ST6GAL1: variants seen among roughly 807,000 people sequenced by gnomAD.
The protein encoded by ST6GAL1 is beta-galactoside alpha-2,6-sialyltransferase 1.
In ST6GAL1, 20 loss-of-function variants were observed where a neutral mutation model predicts 38.0. The ratio of observed to expected loss-of-function variants is 0.53; its 90% confidence interval spans 0.37 to 0.77. The LOEUF (loss-of-function observed/expected upper bound fraction) is 0.77, where lower values mean the gene tolerates loss of function less well. ST6GAL1 is among the 30% of genes least tolerant of loss of function. The probability of loss-of-function intolerance (pLI) is 0.00; values close to 1 mark genes in which losing one functional copy is unlikely to be tolerated. For missense variants in ST6GAL1, 432 were observed against 496.4 expected (o/e 0.87, Z 1.23); for synonymous variants, 196 against 188.2 (o/e 1.04, Z -0.34).
In ST6GAL1 at chr3:186,952,597, C is replaced by T. The variant is rs556625650; in HGVS notation, c.-324-11188C>T. On this transcript the variant is annotated intron_variant, in intron 1 of 7. Coordinates refer to ENST00000169298, the MANE Select transcript of ST6GAL1 (RefSeq NM_173216.2). This position sits in a 1 kb window ranked among gnomAD's most constrained non-coding sequence, Gnocchi z 4.1. ...TCAGCTCACTGCAACCTCCGCCTCCCGGGTTCAAGCGCTTCTCTGTTGGCT... is the reference window on the plus strand; with the variant it reads ...TCAGCTCACTGCAACCTCCGCCTCCTGGGTTCAAGCGCTTCTCTGTTGGCT... 2.6e-5 allele frequency among the ~76,000 whole-genome samples: 4 copies of T among 152,220 alleles called. No homozygotes were observed.
At chr3:186,944,728 C>T (rs78560253) in intron 1 of ST6GAL1, among the ~76,000 whole-genome samples, 1 of 152,170 alleles carries the variant, frequency 6.6e-6, no homozygotes, top group African/African-American at 2.4e-5. Flanking sequence ...AAAAAGATAA[C>T]GCACTTAAAT....
At chr3:187,003,278 A>G (rs568752871) in intron 2 of ST6GAL1, among the ~76,000 whole-genome samples, 1 of 152,364 alleles carries the variant, frequency 6.6e-6, no homozygotes, top group Admixed American at 6.5e-5. Flanking sequence ...GTTTTACTGT[A>G]TTCAGGCCTT....
chr3:186,955,959 T>C (rs1412035189), intron 1 of ST6GAL1, among the ~76,000 whole-genome samples: 1 of 152,110 alleles, frequency 6.6e-6, no homozygotes, highest in Non-Finnish European at 1.5e-5. Context: ...GTTTTGCTGG[T>C]GTATAGGAAT....
At chr3:186,951,860 G>C (rs531727973) in intron 1 of ST6GAL1, among the ~76,000 whole-genome samples, 36 of 152,264 alleles carry the variant, frequency 2.4e-4, no homozygotes, top group Non-Finnish European at 4.3e-4. Flanking sequence ...CAAGTTGAAG[G>C]CACCAGCAGA....
chr3:186,977,103 T>A (rs1715544547), intron 2 of ST6GAL1, among the ~76,000 whole-genome samples: 1 of 152,256 alleles, frequency 6.6e-6, no homozygotes. Flanking sequence ...ATGAAATTCA[T>A]GACCCGATTT....
At chr3:186,989,329 A>G (rs1716070577) in intron 2 of ST6GAL1, among the ~76,000 whole-genome samples, 1 of 152,234 alleles carries the variant, frequency 6.6e-6, no homozygotes, top group South Asian at 2.1e-4. Flanking sequence ...ATGGATACTT[A>G]GGGGAATGGG....
At chr3:186,957,315 C>T (rs528189444) in intron 1 of ST6GAL1, among the ~76,000 whole-genome samples, 124 of 152,208 alleles carry the variant, frequency 8.1e-4, no homozygotes, top group Non-Finnish European at 1.5e-3. Context: ...TGGTGGTGCA[C>T]GCCTATAGTT....
At chr3:187,008,486 G>T (rs1292389332) in intron 2 of ST6GAL1, among the ~76,000 whole-genome samples, 2 of 150,424 alleles carry the variant, frequency 1.3e-5, no homozygotes, top group Non-Finnish European at 3.0e-5. Flanking sequence ...AATGCTGGAA[G>T]AACAAAAAAA....
chr3:187,046,546 G>GGGATAAGCC (rs11280596), intron 4 of ST6GAL1, among the ~76,000 whole-genome samples: 1 of 151,522 alleles, frequency 6.6e-6, no homozygotes, highest in African/African-American at 2.4e-5. Flanking sequence ...GAAAAGAACA[G>GGGATAAGCC]GGAAAAGTCA....
At chr3:186,993,405 T>C (rs1412443668) in intron 2 of ST6GAL1, among the ~76,000 whole-genome samples, 1 of 152,182 alleles carries the variant, frequency 6.6e-6, no homozygotes, top group Non-Finnish European at 1.5e-5. Context: ...TCTTGTCCTG[T>C]TCTCTCAAGC....
At chr3:187,025,062 A>T (rs1479776993) in intron 2 of ST6GAL1, among the ~76,000 whole-genome samples, 1 of 150,552 alleles carries the variant, frequency 6.6e-6, no homozygotes, top group East Asian at 2.0e-4. Flanking sequence ...CTGAGGGTCT[A>T]CGTTCTCAAT....
intron 1 of ST6GAL1, among the ~76,000 whole-genome samples, chr3:186,958,686 T>G (rs1423640986): frequency 6.6e-6 from 1 of 152,206 alleles, no homozygotes; most frequent in African/African-American, 2.4e-5. Flanking sequence ...GTGCTGTGGC[T>G]CATGCCTGTA....
At chr3:187,030,017 A>G (rs911275580) in intron 2 of ST6GAL1, among the ~76,000 whole-genome samples, 5 of 152,216 alleles carry the variant, frequency 3.3e-5, no homozygotes, top group Non-Finnish European at 7.3e-5. Flanking sequence ...TAACAAGATC[A>G]GAGATACAAC....
At chr3:186,976,552 C>T (rs192030055) in intron 2 of ST6GAL1, among the ~76,000 whole-genome samples, 2 of 152,156 alleles carry the variant, frequency 1.3e-5, no homozygotes, top group Non-Finnish European at 2.9e-5. Context: ...GCTTCAGCCT[C>T]CCAAGTAGCT....
chr3:187,045,482 C>T (rs1019809811), intron 4 of ST6GAL1, among the ~76,000 whole-genome samples: 19 of 152,206 alleles, frequency 1.2e-4, no homozygotes, highest in Admixed American at 1.2e-3. Context: ...AATTTTAAAA[C>T]ACTATCATCA....
At position 187,005,125 on chromosome 3, in the gene ST6GAL1, G is replaced by GTTC. The variant is rs1716738870; in HGVS notation, c.-182-33617_-182-33616insTTC. Among the ~76,000 whole-genome samples, 8 of 152,000 alleles carry GTTC rather than the reference G, an allele frequency of 5.3e-5. No homozygotes were observed. In the South Asian group the frequency reaches 1.7e-3, roughly 32 times the overall value. On this transcript the variant is annotated intron_variant, in intron 2 of 7. Transcript: ENST00000169298. The stretch of plus-strand genomic sequence containing the variant: ...TTGAAACATTTATTAATGAAATGAT[G>GTTC]AGTTCAGGATTTGTTTCAAAATCTA...
intron 4 of ST6GAL1, among the ~76,000 whole-genome samples, chr3:187,046,979 T>A (rs945627914): frequency 3.9e-5 from 6 of 152,220 alleles, no homozygotes; most frequent in Non-Finnish European, 7.3e-5. Context: ...GGAGTCTTGC[T>A]CTGTTGCCCA....
chr3:187,019,832 A>G (rs1014718500), intron 2 of ST6GAL1, among the ~76,000 whole-genome samples: 1 of 152,248 alleles, frequency 6.6e-6, no homozygotes, highest in Non-Finnish European at 1.5e-5. Flanking sequence ...AGGTTTGTGC[A>G]CTAAAGATTA....
chr3:187,020,735 AAT>A (rs1302935269), intron 2 of ST6GAL1, among the ~76,000 whole-genome samples: 1 of 152,240 alleles, frequency 6.6e-6, no homozygotes, highest in East Asian at 1.9e-4. Flanking sequence ...ATCCTGAGGC[AAT>A]ATGAGTTACT....
Sources: allele counts gnomAD v4.1 joint callset (sites outside exome capture counted in the v4.1 genomes callset), GRCh38; gene constraint gnomAD v4.1.1; non-coding constraint Gnocchi (gnomAD v3.1); transcripts MANE v1.5; gene names NCBI Gene and HGNC (gene_info 2026-07-23, HGNC 2026-07-21).